HDX: variants seen among roughly 807,000 people sequenced by gnomAD.
HDX encodes the protein highly divergent homeobox.
In HDX, 19 loss-of-function variants were observed where a neutral mutation model predicts 45.2. The observed-to-expected ratio is 0.42, with a 90% CI of 0.29 to 0.62. HDX has a LOEUF of 0.62. Ranked by LOEUF, HDX falls within the 20% of genes least tolerant of loss-of-function variation. The probability of loss-of-function intolerance (pLI) is 0.20; values close to 1 mark genes in which losing one functional copy is unlikely to be tolerated. For missense variants in HDX, 532 were observed against 493.9 expected (o/e 1.08, Z -0.73); for synonymous variants, 188 against 172.8 (o/e 1.09, Z -0.69).
chrX:84,388,776 A>G (rs2038377405), intron 5 of HDX, among the ~76,000 whole-genome samples: 1 of 112,201 alleles, frequency 8.9e-6, no homozygotes, highest in African/African-American at 3.2e-5. Context: ...CCTTGCCATC[A>G]AGATGCTGAA....
intron 1 of HDX, among the ~76,000 whole-genome samples, chrX:84,499,313 T>C (rs2041071517): frequency 9.0e-6 from 1 of 111,546 alleles, no homozygotes. Context: ...CAGATAGAAA[T>C]TGTAAAACAA....
At chrX:84,364,258 C>T (rs2037687145) in intron 5 of HDX, among the ~76,000 whole-genome samples, 1 of 110,237 alleles carries the variant, frequency 9.1e-6, no homozygotes, top group Non-Finnish European at 1.9e-5. Context: ...CTTTTGAGTG[C>T]AGTGTTGAAT....
intron 9 of HDX, among the ~76,000 whole-genome samples, chrX:84,332,345 C>G (rs1241544226): frequency 9.0e-6 from 1 of 111,301 alleles, no homozygotes; most frequent in Non-Finnish European, 1.9e-5. Flanking sequence ...AGTGAATGAC[C>G]CCTTTGTTTC....
At chrX:84,397,295 A>G (rs1461493402) in intron 5 of HDX, among the ~76,000 whole-genome samples, 1 of 111,651 alleles carries the variant, frequency 9.0e-6, no homozygotes, top group Non-Finnish European at 1.9e-5. Context: ...GGTACTGTTG[A>G]GACCAATGGC....
intron 5 of HDX, among the ~76,000 whole-genome samples, chrX:84,367,055 A>C (rs2037774649): frequency 8.9e-6 from 1 of 112,214 alleles, no homozygotes; most frequent in Non-Finnish European, 1.9e-5. Flanking sequence ...CCTCAGAGTG[A>C]ACAGGCAACC....
chrX:84,362,729 T>C (rs2037652433), intron 5 of HDX, among the ~76,000 whole-genome samples: 1 of 111,207 alleles, frequency 9.0e-6, no homozygotes, highest in Non-Finnish European at 1.9e-5. Context: ...TCCTTAGACA[T>C]ACAATGTTTT....
At chrX:84,359,740 C>T (rs764722294) in intron 6 of HDX, among the ~76,000 whole-genome samples, 10 of 111,268 alleles carry the variant, frequency 9.0e-5, no homozygotes, top group East Asian at 2.8e-4. Flanking sequence ...ACGGTATTTC[C>T]GGTTTTAAGT....
At chrX:84,375,645 C>T (rs964742784) in intron 5 of HDX, among the ~76,000 whole-genome samples, 1 of 104,349 alleles carries the variant, frequency 9.6e-6, no homozygotes, top group African/African-American at 3.5e-5. Context: ...ATCACAAGGA[C>T]AAAAAACCAA....
intron 5 of HDX, among the ~76,000 whole-genome samples, chrX:84,417,221 AAAGAAAGAAAGAAAG>A (rs1569329003): frequency 1.9e-5 from 2 of 107,077 alleles, no homozygotes; most frequent in East Asian, 5.8e-4. Context: ...AAAAAGAGAG[AAAGAAAGAAAGAAAG>A]AAAGAAAGAA....
At chrX:84,385,837 GTT>G (rs764533335) in intron 5 of HDX, among the ~76,000 whole-genome samples, 19 of 73,434 alleles carry the variant, frequency 2.6e-4, no homozygotes, top group African/African-American at 7.9e-4. Context: ...TACTTGAATG[GTT>G]TTTTTTTTTT....
Position 84,469,541 on chromosome X carries a change from C to G in HDX, c.182G>C (p.Ser61Thr), listed in dbSNP as rs1313997970. 1 of 1,196,202 alleles carries G rather than the reference C, an allele frequency of 8.4e-7. No homozygotes were observed. The highest frequency in any genetic ancestry group is 1.1e-6 in the Non-Finnish European group (1 of 886,725). The change falls in exon 4 of 11, where the codon AGT becomes ACT. Residue 61 changes from serine to threonine, a missense_variant. This residue lies in a region of HDX where 376 missense variants were observed against 343.7 expected (regional missense o/e 1.09). Coordinates refer to ENST00000373177, the MANE Select transcript of HDX (RefSeq NM_001177479.2). The part of the protein sequence containing the change: ...WVGNKRRKMS[S>T]KNSESGTATT... ...TGCTGTTCCAGATTCAGAGTTCTTA[C>G]TACTCATCTTTCTTCTCTTATTGCC...
At chrX:84,497,508 G>C (rs2041026163) in intron 1 of HDX, among the ~76,000 whole-genome samples, 1 of 111,168 alleles carries the variant, frequency 9.0e-6, no homozygotes, top group Non-Finnish European at 1.9e-5. Context: ...AAGAATATGG[G>C]TTTATGTGCC....
chrX:84,368,356 T>C (rs2037811737), intron 5 of HDX, among the ~76,000 whole-genome samples: 1 of 111,896 alleles, frequency 8.9e-6, no homozygotes, highest in African/African-American at 3.2e-5. Context: ...ATTGCATACA[T>C]TTTTATTATT....
chrX:84,469,061 T>G lies in HDX; in HGVS notation c.662A>C (p.Lys221Thr). 1 of 1,212,011 alleles carries G rather than the reference T, an allele frequency of 8.3e-7. No individual in the cohort carries two copies. Among genetic ancestry groups the G allele is most frequent in the South Asian group, 1.8e-5 (1 of 57,002 alleles). The change falls in exon 4 of 11, where the codon AAA becomes ACA. Residue 221 changes from lysine to threonine, a missense_variant. Physicochemically the swap from Lys to Thr is moderately conservative, Grantham distance 78 (BLOSUM62 -1). Coordinates refer to ENST00000373177, the MANE Select transcript of HDX (RefSeq NM_001177479.2). ...CCTTTGAATCCCAACTGGTTCAATT[T>G]TACAAGGTCGGTGGCACACAGAAGG... ...QKPSVCHRPC[K>T]IEPVGIQRSY...
Position 84,355,035 on chromosome X carries a change from G to GC in HDX, c.1452+6430dup, listed in dbSNP as rs923217721. 4.9e-4 allele frequency among the ~76,000 whole-genome samples: 49 copies of GC among 99,926 alleles called. 2 individuals carry two copies. In the South Asian group the frequency reaches 0.022, roughly 44 times the overall value. 86.8% of individuals were successfully genotyped at this position (99,926 alleles called of 115,157 possible). On this transcript the variant is annotated intron_variant, in intron 6 of 10. Transcript: ENST00000373177. ...TAGGCATTGAACTCAACCCCAAGGT[G>GC]CCCCCCCAGCTCTAAATCAATGTGT...
rs1455978284 is a variant in HDX, at chrX:84,480,716, C to T, written c.1-5319G>A. ...CCTTCTATTCCTGGAATAAACCTCA[C>T]TTGGTAGTGATGTATTATTCTTTTT... On this transcript the variant is annotated intron_variant, in intron 2 of 10. Coordinates refer to ENST00000373177, the MANE Select transcript of HDX (RefSeq NM_001177479.2). Among the ~76,000 whole-genome samples the T allele has an allele frequency of 3.6e-5, 4 of 110,749 alleles. No homozygotes were observed. In the South Asian group the frequency reaches 1.1e-3, roughly 31 times the overall value.
chrX:84,402,758 C>A (rs1284883127), intron 5 of HDX, among the ~76,000 whole-genome samples: 1 of 111,697 alleles, frequency 9.0e-6, no homozygotes, highest in East Asian at 2.8e-4. Context: ...AAACTGCCAA[C>A]AGTCTTCCAA....
chrX:84,469,014 C>T lies in HDX; in HGVS notation c.709G>A (p.Gly237Ser), dbSNP rs764573064. Reference sequence around the variant, plus strand: ...CCACATAAGTTATGTAATGCTGGGCCTGTGTGTTCAGGCTTATATGACCTT... The same window carrying T: ...CCACATAAGTTATGTAATGCTGGGCTTGTGTGTTCAGGCTTATATGACCTT... ...IQRSYKPEHT[G>S]PALHNLCGQK... The change falls in exon 4 of 11, where the codon GGC (glycine) becomes AGC (serine). Residue 237 changes from glycine to serine, a missense_variant. By Grantham distance (56) the Gly-to-Ser change is moderately conservative. Coordinates refer to ENST00000373177, the MANE Select transcript of HDX (RefSeq NM_001177479.2). The T allele has an allele frequency of 6.6e-6, 8 of 1,209,600 alleles. No individual in the cohort carries two copies. In the African/African-American group the frequency reaches 1.1e-4, roughly 16 times the overall value.
intron 5 of HDX, among the ~76,000 whole-genome samples, chrX:84,371,450 T>G (rs1214734933): frequency 8.9e-6 from 1 of 112,062 alleles, no homozygotes. Context: ...GAGGGGAGAC[T>G]AACTTAACAG....
Sources: gnomAD v4.1 joint callset for allele counts (sites outside exome capture counted in the v4.1 genomes callset) on GRCh38, gnomAD v4.1.1 for gene constraint, gnomAD v4.1.1 regional missense constraint, MANE v1.5 for transcripts, NCBI Gene and HGNC (gene_info 2026-07-23, HGNC 2026-07-21) for gene names.